The following RNMT variants were observed in gnomAD, a reference collection of about 807,000 sequenced individuals.
The protein encoded by RNMT is mRNA cap guanine-N(7) methyltransferase.
A neutral mutation model predicts 56.0 loss-of-function variants in RNMT; 27 were observed. The observed-to-expected ratio is 0.48, with a 90% CI of 0.36 to 0.67. The LOEUF (loss-of-function observed/expected upper bound fraction) is 0.67, where lower values mean the gene tolerates loss of function less well. Among genes scored for constraint, RNMT ranks in the 30% least tolerant of loss-of-function variants. The pLI, the probability that RNMT is intolerant of heterozygous loss-of-function variation, is 0.00. For synonymous variants in RNMT, 184 were observed against 176.2 expected (o/e 1.04, Z -0.35); for missense variants, 519 against 552.1 (o/e 0.94, Z 0.60).
At chr18:13,744,036 T>A (rs2044304370) in intron 8 of RNMT, among the ~76,000 whole-genome samples, 2 of 152,036 alleles carry the variant, frequency 1.3e-5, no homozygotes, top group African/African-American at 2.4e-5. Flanking sequence ...TTGTGGAATG[T>A]TATTGAGTAT....
intron 3 of RNMT, among the ~76,000 whole-genome samples, chr18:13,732,815 G>A (rs536408167): frequency 7.2e-4 from 98 of 135,476 alleles, no homozygotes; most frequent in African/African-American, 2.2e-3. Flanking sequence ...GTGTAAACTC[G>A]GCTCACTGCA....
chr18:13,746,347 T>C lies in RNMT; in HGVS notation c.1257+10T>C. 7.1e-7 allele frequency: 1 copy of C among 1,402,948 alleles called. No homozygotes were observed. Among genetic ancestry groups the C allele is most frequent in the Non-Finnish European group, 1.0e-6 (1 of 1,001,384 alleles). 86.9% of individuals were successfully genotyped at this position (1,402,948 alleles called of 1,614,324 possible). On this transcript the variant is annotated intron_variant, in intron 9 of 11. Coordinates refer to ENST00000383314, the MANE Select transcript of RNMT (RefSeq NM_003799.3). ...AATGCAGGCCTTGGAGGTGAGTATT[T>C]AGAAAAGATGTACAAATTTCAGTCA...
rs1253122596 is a variant in RNMT at position 13,763,936 on chromosome 18, A to G, written c.*3957A>G. 3 of 152,256 alleles carry G rather than the reference A, an allele frequency of 2.0e-5. No individual in the cohort carries two copies. The highest frequency in any genetic ancestry group is 4.4e-5 in the Non-Finnish European group (3 of 68,080). The allele number at this position is 152,256 out of a possible 1,614,324, so 9.4% of individuals were successfully genotyped here. A position where few individuals can be genotyped will look rare whatever the true frequency, so the allele number is the denominator to read the frequency against. On this transcript the variant is annotated 3_prime_UTR_variant, in exon 12 of 12. Coordinates refer to ENST00000383314, the MANE Select transcript of RNMT (RefSeq NM_003799.3). The stretch of plus-strand genomic sequence containing the variant: ...TCTGAGTAAGGGGCTTTGTTGAAAG[A>G]GGGGGTTAGAGAGAGCAAGACAGCA...
chr18:13,753,902 C>A (rs1257934862), intron 10 of RNMT, among the ~76,000 whole-genome samples: 7 of 151,030 alleles, frequency 4.6e-5, no homozygotes, highest in Admixed American at 4.6e-4. Context: ...GAGAATTTGG[C>A]AGGAGGATAA....
chr18:13,751,003 A>G (rs1402821199), intron 9 of RNMT, among the ~76,000 whole-genome samples: 1 of 152,244 alleles, frequency 6.6e-6, no homozygotes, highest in East Asian at 1.9e-4. Flanking sequence ...ACATAAAACC[A>G]TAAAAACCCT....
At chr18:13,750,677 G>A (rs888117919) in intron 9 of RNMT, among the ~76,000 whole-genome samples, 4 of 151,890 alleles carry the variant, frequency 2.6e-5, no homozygotes, top group East Asian at 3.9e-4. Flanking sequence ...TGGCTTGTGC[G>A]TGTAGTCCCA....
chr18:13,752,431 A>C lies in RNMT; in HGVS notation c.1359+4A>C. 1 of 1,561,216 alleles carries C rather than the reference A, an allele frequency of 6.4e-7. No individual in the cohort carries two copies. The highest frequency in any genetic ancestry group is 8.8e-7 in the Non-Finnish European group (1 of 1,132,726). ...CAGTCAAGTAAGGTTACCTTTGGTA[A>C]GTTTTAATTTATGAAAGTATTTTAT... On this transcript the variant is annotated splice_donor_region_variant and intron_variant, in intron 10 of 11. Coordinates refer to ENST00000383314, the MANE Select transcript of RNMT (RefSeq NM_003799.3).
chr18:13,731,879 A>G lies in RNMT; in HGVS notation c.362A>G (p.Asp121Gly), dbSNP rs749481566. ...DVPKDKSSTG[D>G]GTQNKRKIAL... Reference sequence around the variant, plus strand: ...CCAAAAGATAAATCTTCTACTGGAGATGGCACTCAAAATAAGAGAAAAATA... The same window carrying G: ...CCAAAAGATAAATCTTCTACTGGAGGTGGCACTCAAAATAAGAGAAAAATA... The change falls in exon 3 of 12, where the codon GAT becomes GGT. Residue 121 changes from aspartate (D) to glycine (G), a missense_variant. Asp to Gly is a moderately conservative substitution (Grantham distance 94, BLOSUM62 -1). Coordinates refer to ENST00000383314, the MANE Select transcript of RNMT (RefSeq NM_003799.3). 45 of 1,606,124 alleles carry G rather than the reference A, an allele frequency of 2.8e-5. No homozygotes were observed. The highest frequency in any genetic ancestry group is 3.6e-5 in the Non-Finnish European group (43 of 1,178,406).
At chr18:13,729,226 C>CT (rs1181151977) in intron 1 of RNMT, among the ~76,000 whole-genome samples, 1 of 152,200 alleles carries the variant, frequency 6.6e-6, no homozygotes, top group African/African-American at 2.4e-5. Flanking sequence ...TTCTTGGCAC[C>CT]TTTGTTGAGA....
intron 5 of RNMT, among the ~76,000 whole-genome samples, chr18:13,739,373 A>G (rs890248142): frequency 9.8e-5 from 15 of 152,340 alleles, no homozygotes; most frequent in African/African-American, 3.1e-4. Context: ...CTCCCCCTGC[A>G]TATTGTATAG....
At position 13,728,330 on chromosome 18, in the gene RNMT, TTGTGTG is replaced by T. The variant is rs1212860122; in HGVS notation, c.-172+1622_-172+1627del. ...TTTTTTTTTTTTTTTTTTTTTTTTT[TTGTGTG>T]TGTGTGTGTGTGTGTGTGTGACGGA... is the stretch of plus-strand genomic sequence containing the variant. On this transcript the variant is annotated intron_variant, in intron 1 of 11. Coordinates refer to ENST00000383314, the MANE Select transcript of RNMT (RefSeq NM_003799.3). Among the ~76,000 whole-genome samples, 143 of 21,436 alleles carry T rather than the reference TTGTGTG, an allele frequency of 6.7e-3. 1 individual carries two copies. Among genetic ancestry groups the T allele is most frequent in the African/African-American group, 0.035 (132 of 3,722 alleles). The allele number at this position is 21,436 out of a possible 152,430, so 14.1% of individuals were successfully genotyped here.
intron 8 of RNMT, chr18:13,742,884 C>T (rs2044275255): frequency 6.7e-6 from 2 of 298,968 alleles, no homozygotes; most frequent in Non-Finnish European, 1.2e-5. Flanking sequence ...TCTCTCATTC[C>T]TGGAATTTTT....
intron 5 of RNMT, among the ~76,000 whole-genome samples, chr18:13,738,485 C>A (rs1377885618): frequency 6.6e-6 from 1 of 152,132 alleles, no homozygotes; most frequent in Non-Finnish European, 1.5e-5. Flanking sequence ...TCTGTTACTA[C>A]ATCAAAACTC....
At chr18:13,729,937 C>G (rs144100951) in intron 1 of RNMT, among the ~76,000 whole-genome samples, 21 of 152,118 alleles carry the variant, frequency 1.4e-4, no homozygotes, top group African/African-American at 5.1e-4. Context: ...GTAACTGGGA[C>G]TAAGGCATGT....
chr18:13,741,112 G>T (rs1393863331), intron 6 of RNMT, among the ~76,000 whole-genome samples: 1 of 152,154 alleles, frequency 6.6e-6, no homozygotes, highest in Admixed American at 6.5e-5. Flanking sequence ...AAGATAAGTG[G>T]GAGTATACTG....
In RNMT at chr18:13,761,035, G is replaced by C; in HGVS notation, c.*1056G>C. 1 of 985,362 alleles carries C rather than the reference G, an allele frequency of 1.0e-6. No individual in the cohort carries two copies. The highest frequency in any genetic ancestry group is 1.2e-6 in the Non-Finnish European group (1 of 829,840). The allele number at this position is 985,362 out of a possible 1,614,324, so 61.0% of individuals were successfully genotyped here. A position where few individuals can be genotyped will look rare whatever the true frequency, so the allele number is the denominator to read the frequency against. ...ATGTAGATGTAGTGAAAAACTTCAA[G>C]AATGAAGCAGAGCAATTGAGTATTC... is the stretch of plus-strand genomic sequence containing the variant. On this transcript the variant is annotated 3_prime_UTR_variant, in exon 12 of 12. Coordinates refer to ENST00000383314, the MANE Select transcript of RNMT (RefSeq NM_003799.3).
At chr18:13,744,159 C>CTTTTTTTTTTTTT (rs201093998) in intron 8 of RNMT, among the ~76,000 whole-genome samples, 1,797 of 91,108 alleles carry the variant, frequency 0.02, 327 homozygotes, top group Non-Finnish European at 0.027. Flanking sequence ...TAGCGGTCTT[C>CTTTTTTTTTTTTT]TTTTTTTTTT....
intron 11 of RNMT, among the ~76,000 whole-genome samples, chr18:13,756,292 A>G (rs767122088): frequency 2.6e-5 from 4 of 152,226 alleles, no homozygotes; most frequent in Non-Finnish European, 5.9e-5. Flanking sequence ...GGGACTTTTT[A>G]GGAGTTTCAA....
At chr18:13,738,841 A>C (rs2044207608) in intron 5 of RNMT, among the ~76,000 whole-genome samples, 1 of 152,134 alleles carries the variant, frequency 6.6e-6, no homozygotes, top group Non-Finnish European at 1.5e-5. Context: ...GCGATCCCTA[A>C]CCTTTTTGGC....
Sources: gnomAD v4.1 joint callset for allele counts (sites outside exome capture counted in the v4.1 genomes callset) on GRCh38, gnomAD v4.1.1 for gene constraint, MANE v1.5 for transcripts, NCBI Gene and HGNC (gene_info 2026-07-23, HGNC 2026-07-21) for gene names.